RANBP2: variants seen among roughly 807,000 people sequenced by gnomAD.
RANBP2 encodes RAN binding protein 2.
RANBP2 carries 57 observed loss-of-function variants against 303.6 expected under a neutral mutation model. The observed-to-expected ratio is 0.19, with a 90% CI of 0.15 to 0.23. The LOEUF is 0.23. Ranked by LOEUF, RANBP2 falls within the 10% of genes least tolerant of loss-of-function variation. The pLI is 1.00. For missense variants in RANBP2, 3,138 were observed against 3,780.8 expected (o/e 0.83, Z 4.46); for synonymous variants, 1,167 against 1,301.5 (o/e 0.90, Z 2.23).
At chr2:109,397,035 C>T in the RANBP2 span, among the ~76,000 whole-genome samples, 1 of 152,220 alleles carries the variant, frequency 6.6e-6, no homozygotes, top group Admixed American at 6.5e-5. Context: ...TCGGAAAGCC[C>T]TTTGGCCACT....
the RANBP2 span, among the ~76,000 whole-genome samples, chr2:109,031,875 C>T: frequency 2.0e-5 from 3 of 151,994 alleles, no homozygotes; most frequent in East Asian, 1.9e-4. Context: ...TTTCTTGTCC[C>T]GTGAGCGCTA....
chr2:109,672,830 T>C, the RANBP2 span, among the ~76,000 whole-genome samples: 2 of 152,198 alleles, frequency 1.3e-5, no homozygotes, highest in Non-Finnish European at 2.9e-5. Context: ...AGTGTCTAAA[T>C]TTTTGTCCAG....
chr2:109,280,964 C>T, the RANBP2 span, among the ~76,000 whole-genome samples: 1 of 152,314 alleles, frequency 6.6e-6, no homozygotes, highest in South Asian at 2.1e-4. Context: ...CCCTAGGTGG[C>T]AGTGGTGATG....
At chr2:109,690,458 A>T in the RANBP2 span, among the ~76,000 whole-genome samples, 1 of 152,250 alleles carries the variant, frequency 6.6e-6, no homozygotes, top group African/African-American at 2.4e-5. Flanking sequence ...GACTTTGAAT[A>T]GAATGGAAGG....
At chr2:109,630,459 A>G in the RANBP2 span, among the ~76,000 whole-genome samples, 7 of 152,194 alleles carry the variant, frequency 4.6e-5, no homozygotes, top group Non-Finnish European at 1.0e-4. Context: ...GCTCTAGCCA[A>G]TCCTATACTG....
At chr2:109,629,355 ATTT>A in the RANBP2 span, among the ~76,000 whole-genome samples, 71 of 15,354 alleles carry the variant, frequency 4.6e-3, no homozygotes, top group South Asian at 0.037. Flanking sequence ...ATATATATAT[ATTT>A]TTTTTTTTTT....
the RANBP2 span, among the ~76,000 whole-genome samples, chr2:109,416,577 G>T: frequency 1.3e-5 from 2 of 151,028 alleles, no homozygotes; most frequent in Admixed American, 1.3e-4. Flanking sequence ...TAGAGACGGG[G>T]TTTCACCATA....
chr2:108,831,700 TCTTC>T, the RANBP2 span, among the ~76,000 whole-genome samples: 1,843 of 145,246 alleles, frequency 0.013, 28 homozygotes, highest in African/African-American at 0.036. Flanking sequence ...TGGCACAGAA[TCTTC>T]CTTCCTTCCT....
the RANBP2 span, chr2:109,545,435 C>T: frequency 1.3e-6 from 2 of 1,536,080 alleles, no homozygotes; most frequent in East Asian, 2.4e-5. Flanking sequence ...TCATGGCTGC[C>T]CCCTTGCACT....
At chr2:109,684,257 T>TTTTTTTTTTTTTTTTTG in the RANBP2 span, among the ~76,000 whole-genome samples, 1 of 147,096 alleles carries the variant, frequency 6.8e-6, no homozygotes. Flanking sequence ...TTTTTTTTTT[T>TTTTTTTTTTTTTTTTTG]TTGAGGCAGC....
the RANBP2 span, among the ~76,000 whole-genome samples, chr2:109,508,414 C>T: frequency 1.3e-5 from 2 of 152,186 alleles, no homozygotes; most frequent in Non-Finnish European, 2.9e-5. Flanking sequence ...GACGCACACT[C>T]CCCAGGGCCG....
At chr2:109,349,624 G>T in the RANBP2 span, among the ~76,000 whole-genome samples, 4 of 152,166 alleles carry the variant, frequency 2.6e-5, no homozygotes, top group African/African-American at 9.7e-5. Flanking sequence ...CCCCATAATG[G>T]CTCTAGGCTT....
At chr2:108,997,440 CA>C in the RANBP2 span, among the ~76,000 whole-genome samples, 37 of 49,950 alleles carry the variant, frequency 7.4e-4, no homozygotes, top group African/African-American at 2.9e-3. Context: ...GACTCTGTCT[CA>C]AAAAAAAAAA....
the RANBP2 span, among the ~76,000 whole-genome samples, chr2:109,092,233 C>T: frequency 6.6e-6 from 1 of 152,130 alleles, no homozygotes; most frequent in African/African-American, 2.4e-5. Flanking sequence ...CCCTGAGGAA[C>T]AGGCCTGTCT....
At chr2:108,788,447 G>T (rs531111177), downstream of RANBP2, among the ~76,000 whole-genome samples, 1 of 151,318 alleles carries the variant, frequency 6.6e-6, no homozygotes, top group Non-Finnish European at 1.5e-5. Context: ...GGCTGCGCGC[G>T]GTGGCTCACG....
chr2:108,881,931 G>A, the RANBP2 span, among the ~76,000 whole-genome samples: 1 of 152,070 alleles, frequency 6.6e-6, no homozygotes, highest in Admixed American at 6.5e-5. Flanking sequence ...ATTGCTTGAG[G>A]CCAGGAGTTT....
chr2:109,516,503 G>A, the RANBP2 span, among the ~76,000 whole-genome samples: 7 of 152,222 alleles, frequency 4.6e-5, no homozygotes, highest in African/African-American at 9.6e-5. Context: ...TGTGGCCACC[G>A]GGTCACAGAG....
chr2:109,623,859 G>A, the RANBP2 span, among the ~76,000 whole-genome samples: 1 of 152,192 alleles, frequency 6.6e-6, no homozygotes, highest in Non-Finnish European at 1.5e-5. Context: ...GGTGGGGAGA[G>A]GAAAGGAGAA....
the RANBP2 span, among the ~76,000 whole-genome samples, chr2:109,627,972 A>T: frequency 2.0e-5 from 3 of 152,156 alleles, no homozygotes; most frequent in Non-Finnish European, 4.4e-5. Context: ...GAACATACAT[A>T]CAATTTATGC....
Sources: allele counts gnomAD v4.1 joint callset (sites outside exome capture counted in the v4.1 genomes callset), GRCh38; gene constraint gnomAD v4.1.1; transcripts MANE v1.5; gene names NCBI Gene and HGNC (gene_info 2026-07-23, HGNC 2026-07-21).